Variants in ARHGAP21 observed in about 807,000 individuals in gnomAD.
ARHGAP21 encodes the protein Rho GTPase activating protein 21.
ARHGAP21 carries 38 observed loss-of-function variants against 164.6 expected under a neutral mutation model. That is an observed-to-expected ratio of 0.23 (90% CI 0.18 to 0.30). The LOEUF (loss-of-function observed/expected upper bound fraction) is 0.30. Among genes scored for constraint, ARHGAP21 ranks in the 10% least tolerant of loss-of-function variants. The probability of loss-of-function intolerance (pLI) is 1.00; values close to 1 mark genes in which losing one functional copy is unlikely to be tolerated. For synonymous variants in ARHGAP21, 766 were observed against 857.9 expected (o/e 0.89, Z 1.87); for missense variants, 1,822 against 2,370.7 (o/e 0.77, Z 4.81).
intron 2 of ARHGAP21, among the ~76,000 whole-genome samples, chr10:24,717,641 A>G (rs1845518511): frequency 6.6e-6 from 1 of 152,218 alleles, no homozygotes; most frequent in South Asian, 2.1e-4. Flanking sequence ...AGGAAGAACA[A>G]AAAGAAGTAA....
intron 2 of ARHGAP21, among the ~76,000 whole-genome samples, chr10:24,693,278 C>T (rs527620664): frequency 7.7e-4 from 117 of 152,180 alleles, no homozygotes; most frequent in African/African-American, 2.7e-3. Context: ...ATCTGATTGT[C>T]ATTGTCATGC....
At chr10:24,660,386 TAAAAAAAAAA>T (rs56053080) in intron 4 of ARHGAP21, among the ~76,000 whole-genome samples, 11 of 60,092 alleles carry the variant, frequency 1.8e-4, no homozygotes, top group South Asian at 1.1e-3. Context: ...CTCTCTCTCT[TAAAAAAAAAA>T]AAAAAAAAAA....
intron 4 of ARHGAP21, among the ~76,000 whole-genome samples, chr10:24,648,248 C>T (rs1051235841): frequency 2.0e-5 from 3 of 152,192 alleles, no homozygotes; most frequent in Non-Finnish European, 2.9e-5. Flanking sequence ...GAAGAAATTC[C>T]CTACTTGTTT....
intron 11 of ARHGAP21, among the ~76,000 whole-genome samples, chr10:24,605,064 C>T (rs1043592116): frequency 1.3e-5 from 2 of 152,054 alleles, no homozygotes; most frequent in Non-Finnish European, 2.9e-5. Flanking sequence ...GAAACCTCCC[C>T]CTCAAACAAC....
At chr10:24,692,653 G>A (rs368968254) in intron 2 of ARHGAP21, among the ~76,000 whole-genome samples, 62 of 152,156 alleles carry the variant, frequency 4.1e-4, no homozygotes, top group East Asian at 1.2e-3. Context: ...CCAACATGGC[G>A]GAACCCCATC....
intron 4 of ARHGAP21, among the ~76,000 whole-genome samples, chr10:24,638,312 T>C (rs1836599529): frequency 6.6e-6 from 1 of 152,220 alleles, no homozygotes; most frequent in Admixed American, 6.5e-5. Flanking sequence ...TTTTCTTCAA[T>C]TTCTATACAC....
intron 2 of ARHGAP21, among the ~76,000 whole-genome samples, chr10:24,671,351 TTTC>T (rs1314934443): frequency 3.6e-4 from 55 of 152,300 alleles, no homozygotes; most frequent in African/African-American, 1.3e-3. Flanking sequence ...TAGTAACACA[TTTC>T]TCTCTGGTCA....
At chr10:24,664,564 A>AAATAAT (rs1312225404) in intron 4 of ARHGAP21, among the ~76,000 whole-genome samples, 3 of 149,140 alleles carry the variant, frequency 2.0e-5, no homozygotes, top group Non-Finnish European at 4.4e-5. Flanking sequence ...CAAAAAAAAA[A>AAATAAT]AATAATAATA....
At chr10:24,634,560 A>C (rs1836183076) in intron 5 of ARHGAP21, among the ~76,000 whole-genome samples, 1 of 152,242 alleles carries the variant, frequency 6.6e-6, no homozygotes, top group Non-Finnish European at 1.5e-5. Flanking sequence ...AGATGAAGCC[A>C]GGCTTATGTT....
chr10:24,666,322 G>A lies in ARHGAP21; in HGVS notation c.268+663C>T, dbSNP rs184289733. The stretch of plus-strand genomic sequence containing the variant: ...TGGGATTACAGGCGTGAGCGACTGC[G>A]CCCGCCCCTGCCATGGTATTGTAAG... On this transcript the variant is annotated intron_variant, in intron 4 of 25. Coordinates refer to ENST00000396432, the MANE Select transcript of ARHGAP21 (RefSeq NM_020824.4). Among the ~76,000 whole-genome samples the A allele has an allele frequency of 6.9e-3, 1,053 of 152,264 alleles. 11 individuals are homozygous for A. The highest frequency in any genetic ancestry group is 0.024 in the African/African-American group (989 of 41,550).
At chr10:24,656,178 C>CT (rs1838862411) in intron 4 of ARHGAP21, among the ~76,000 whole-genome samples, 1 of 140,142 alleles carries the variant, frequency 7.1e-6, no homozygotes. Context: ...GGGTCAGCCC[C>CT]CCGCCCGGCC....
intron 4 of ARHGAP21, among the ~76,000 whole-genome samples, chr10:24,655,304 A>G (rs1315248318): frequency 6.6e-6 from 1 of 152,222 alleles, no homozygotes; most frequent in Non-Finnish European, 1.5e-5. Context: ...TCTGCACATC[A>G]AAAGAAACTA....
At chr10:24,624,657 G>C (rs905385205) in intron 7 of ARHGAP21, among the ~76,000 whole-genome samples, 4 of 151,774 alleles carry the variant, frequency 2.6e-5, no homozygotes, top group African/African-American at 9.7e-5. Context: ...ATATTTTAAA[G>C]CTATCTCCTT....
chr10:24,646,620 A>G (rs1000125554), intron 4 of ARHGAP21, among the ~76,000 whole-genome samples: 10 of 151,974 alleles, frequency 6.6e-5, no homozygotes, highest in African/African-American at 1.9e-4. Context: ...TTTAAGGGGG[A>G]AAAAAATGGC....
chr10:24,690,893 TACAC>T (rs563674632), intron 2 of ARHGAP21, among the ~76,000 whole-genome samples: 3 of 149,712 alleles, frequency 2.0e-5, no homozygotes, highest in East Asian at 2.0e-4. Flanking sequence ...AACACACACA[TACAC>T]ACACACACAT....
intron 9 of ARHGAP21, among the ~76,000 whole-genome samples, chr10:24,614,876 T>G (rs2077412358): frequency 6.6e-6 from 1 of 151,706 alleles, no homozygotes; most frequent in South Asian, 2.1e-4. Flanking sequence ...ACAAAGAAAT[T>G]TAAAGTGTTT....
chr10:24,664,618 T>C (rs1290716412), intron 4 of ARHGAP21, among the ~76,000 whole-genome samples: 8 of 151,858 alleles, frequency 5.3e-5, no homozygotes, highest in Admixed American at 2.6e-4. Flanking sequence ...CGTGAATTTA[T>C]GTGTACTAAA....
chr10:24,589,309 AAAATT>A lies in ARHGAP21; in HGVS notation c.4151-12_4151-8del, dbSNP rs1203789792. ...GAGTCACTAGTAGCTGAATCTGTGA[AAAATT>A]AAATAAAACATGGTCAGTATTAGCC... On this transcript the variant is annotated splice_region_variant and splice_polypyrimidine_tract_variant and intron_variant, in intron 24 of 25. Transcript: ENST00000396432. The A allele has an allele frequency of 1.2e-6, 2 of 1,606,526 alleles. No individual in the cohort carries two copies. The highest frequency in any genetic ancestry group is 1.3e-5 in the African/African-American group (1 of 74,706).
chr10:24,602,763 G>A (rs1235522084), intron 12 of ARHGAP21, among the ~76,000 whole-genome samples: 1 of 152,140 alleles, frequency 6.6e-6, no homozygotes, highest in African/African-American at 2.4e-5. Context: ...AGGGACACGC[G>A]TGAAAAGAGC....
Sources: gnomAD v4.1 joint callset for allele counts (sites outside exome capture counted in the v4.1 genomes callset) on GRCh38, gnomAD v4.1.1 for gene constraint, MANE v1.5 for transcripts, NCBI Gene and HGNC (gene_info 2026-07-23, HGNC 2026-07-21) for gene names.